Variants in KNL1 observed in about 807,000 individuals in gnomAD.
KNL1 encodes the protein kinetochore scaffold 1.
A neutral mutation model predicts 201.3 loss-of-function variants in KNL1; 66 were observed. The observed-to-expected ratio is 0.33, with a 90% CI of 0.27 to 0.40. KNL1 has a LOEUF of 0.40. KNL1 is among the 10% of genes least tolerant of loss of function. KNL1 has a pLI of 1.00. For missense variants in KNL1, 2,815 were observed against 2,690.5 expected (o/e 1.05, Z -1.02); for synonymous variants, 895 against 899.2 (o/e 1.00, Z 0.08).
chr15:40,624,439 T>C lies in KNL1; in HGVS notation c.4175T>C (p.Ile1392Thr), dbSNP rs780508813. 38 of 1,613,994 alleles carry C rather than the reference T, an allele frequency of 2.4e-5. 1 individual carries two copies. In the South Asian group the frequency reaches 4.1e-4, roughly 17 times the overall value. The change falls in exon 10 of 26, where the codon ATT becomes ACT. Residue 1392 changes from isoleucine to threonine, a missense_variant. This residue lies in a region of KNL1 where 2,464 missense variants were observed against 2,291.7 expected (regional missense o/e 1.08). Transcript: ENST00000399668. Reference sequence around the variant, plus strand: ...ACACTGCACAAAGATCAAGATCTGATTAAGGATCCACGAAATCTATTGGCT... The same window carrying C: ...ACACTGCACAAAGATCAAGATCTGACTAAGGATCCACGAAATCTATTGGCT... Reference protein sequence around the residue: ...VITLHKDQDLIKDPRNLLANQ... With the variant: ...VITLHKDQDLTKDPRNLLANQ...
intron 13 of KNL1, among the ~76,000 whole-genome samples, chr15:40,640,424 A>T (rs1289429856): frequency 6.6e-6 from 1 of 152,044 alleles, no homozygotes; most frequent in African/African-American, 2.4e-5. Context: ...TGCATCAAGG[A>T]CATCAAAGCC....
intron 8 of KNL1, among the ~76,000 whole-genome samples, chr15:40,618,552 C>T (rs1340040071): frequency 6.6e-6 from 1 of 152,082 alleles, no homozygotes; most frequent in East Asian, 1.9e-4. Flanking sequence ...GTAGTCCAAA[C>T]TTTCCATCTT....
At chr15:40,602,445 C>A (rs1438069611) in intron 1 of KNL1, among the ~76,000 whole-genome samples, 1 of 141,442 alleles carries the variant, frequency 7.1e-6, no homozygotes, top group African/African-American at 2.6e-5. Flanking sequence ...CAAAATGCAT[C>A]GTTTTATATC....
intron 25 of KNL1, 136 bp downstream of exon 25, chr15:40,659,597 A>C: frequency 1.6e-6 from 1 of 611,464 alleles, no homozygotes; most frequent in South Asian, 2.7e-5. Flanking sequence ...GGTTCACGCC[A>C]TTCTCCTGCC....
intron 17 of KNL1, 62 bp downstream of exon 17, chr15:40,647,136 G>C: frequency 1.2e-6 from 1 of 811,806 alleles, no homozygotes; most frequent in Non-Finnish European, 2.1e-6. Context: ...CTCTCCTACA[G>C]TAGAGAATGT....
intron 17 of KNL1, among the ~76,000 whole-genome samples, chr15:40,647,488 T>TAAAA: frequency 6.6e-6 from 1 of 151,822 alleles, no homozygotes; most frequent in South Asian, 2.1e-4. Context: ...AAAATAATAA[T>TAAAA]AAAATAAATA....
intron 1 of KNL1, among the ~76,000 whole-genome samples, chr15:40,601,832 A>G (rs1891802489): frequency 6.7e-6 from 1 of 148,568 alleles, no homozygotes; most frequent in African/African-American, 2.5e-5. Context: ...CGTCTCAAAA[A>G]AAAAAAAAAA....
At chr15:40,640,041 A>G (rs1217637790) in intron 13 of KNL1, among the ~76,000 whole-genome samples, 1 of 151,220 alleles carries the variant, frequency 6.6e-6, no homozygotes, top group Non-Finnish European at 1.5e-5. Context: ...GATTTTTGTA[A>G]ATAAGGAGCT....
In KNL1 at chr15:40,623,668, C is replaced by T. The variant is rs772143824; in HGVS notation, c.3404C>T (p.Ala1135Val). Reference protein sequence around the residue: ...DMEITRSHTTALECKTLLPNE... With the variant: ...DMEITRSHTTVLECKTLLPNE... ...GAGATCACTAGGAGTCACACAACTG[C>T]CTTAGAATGTAAAACTCTCCTGCCA... Residue 1135 changes from alanine to valine, a missense_variant, in exon 10 of 26, where the codon GCC (alanine) becomes GTC (valine). Physicochemically the swap from Ala to Val is moderately conservative, Grantham distance 64. Transcript: ENST00000399668. The T allele has an allele frequency of 6.6e-5, 107 of 1,613,668 alleles. No homozygotes were observed. The highest frequency in any genetic ancestry group is 1.6e-4 in the East Asian group (7 of 44,878).
chr15:40,643,740 G>C (rs1301127848), intron 14 of KNL1, among the ~76,000 whole-genome samples: 1 of 152,216 alleles, frequency 6.6e-6, no homozygotes, highest in Non-Finnish European at 1.5e-5. Flanking sequence ...TTTCACATTG[G>C]AACAAGTTGG....
rs768851272 is a variant in KNL1 at position 40,620,713 on chromosome 15, A to C, written c.449A>C (p.Gln150Pro). ...ACAGTCATTTTTTCAGATGAAAACCAGATGGACCTGACATCAAGTCACACT... is the reference window on the plus strand; with the variant it reads ...ACAGTCATTTTTTCAGATGAAAACCCGATGGACCTGACATCAAGTCACACT... ...DQTVIFSDEN[Q>P]MDLTSSHTVM... The change falls in exon 10 of 26, where the codon CAG (glutamine) becomes CCG (proline). Residue 150 changes from glutamine to proline, a missense_variant. This residue lies in a region of KNL1 where 2,464 missense variants were observed against 2,291.7 expected (regional missense o/e 1.08). Transcript: ENST00000399668. 50 of 1,608,216 alleles carry C rather than the reference A, an allele frequency of 3.1e-5. No individual in the cohort carries two copies. Among genetic ancestry groups the C allele is most frequent in the Non-Finnish European group, 3.9e-5 (46 of 1,178,476 alleles).
chr15:40,639,945 C>A, intron 13 of KNL1, among the ~76,000 whole-genome samples: 1 of 152,078 alleles, frequency 6.6e-6, no homozygotes, highest in East Asian at 1.9e-4. Flanking sequence ...CGTGGTGACA[C>A]ATCTGTAGTA....
At chr15:40,619,599 T>TC (rs1892451036) in intron 9 of KNL1, among the ~76,000 whole-genome samples, 1 of 152,010 alleles carries the variant, frequency 6.6e-6, no homozygotes, top group Non-Finnish European at 1.5e-5. Context: ...AGACAAGGTC[T>TC]CACTCTGTTG....
At position 40,625,497 on chromosome 15, in the gene KNL1, G is replaced by A. The variant is rs1340069853; in HGVS notation, c.5233G>A (p.Glu1745Lys). Residue 1745 changes from glutamate to lysine, a missense_variant, in exon 10 of 26, where the codon GAG becomes AAG. Glu to Lys is a moderately conservative substitution (Grantham distance 56, BLOSUM62 1). Transcript: ENST00000399668. Reference sequence around the variant, plus strand: ...GGCCTTGATTGAGACATACCAAAAAGAGATTTCACCATATGAAAATAAAAT... The same window carrying A: ...GGCCTTGATTGAGACATACCAAAAAAAGATTTCACCATATGAAAATAAAAT... ...EKALIETYQK[E>K]ISPYENKMGK... 1.2e-6 allele frequency: 2 copies of A among 1,613,072 alleles called. No individual in the cohort carries two copies. Among genetic ancestry groups the A allele is most frequent in the Admixed American group, 1.7e-5 (1 of 59,752 alleles).
At chr15:40,646,878 A>G in intron 16 of KNL1, 109 bp from the exon 17 acceptor site, 2 of 447,444 alleles carry the variant, frequency 4.5e-6, no homozygotes, top group Non-Finnish European at 8.3e-6. Flanking sequence ...AAAAAAAAAA[A>G]GATTTGCCTG....
intron 14 of KNL1, among the ~76,000 whole-genome samples, chr15:40,641,692 C>T (rs1403245127): frequency 1.3e-5 from 2 of 152,178 alleles, no homozygotes; most frequent in African/African-American, 4.8e-5. Context: ...GGGTTTCACC[C>T]GCAAGGTATC....
chr15:40,622,328 A>G lies in KNL1; in HGVS notation c.2064A>G (p.Thr688=). 1.9e-6 allele frequency: 3 copies of G among 1,613,926 alleles called. No individual in the cohort carries two copies. Among genetic ancestry groups the G allele is most frequent in the South Asian group, 1.1e-5 (1 of 91,076 alleles). The change falls in exon 10 of 26, where the codon ACA becomes ACG. Residue 688 remains threonine, a synonymous_variant. Coordinates refer to ENST00000399668, the MANE Select transcript of KNL1 (RefSeq NM_144508.5). Reference sequence around the variant, plus strand: ...ATAAACAAATAACTAATAGAAATACAGTATCATGGGAACAATCTTTGTTTT... The same window carrying G: ...ATAAACAAATAACTAATAGAAATACGGTATCATGGGAACAATCTTTGTTTT... ...VLDKQITNRN[T]VSWEQSLFST...
chr15:40,597,740 T>G (rs1483617209), intron 1 of KNL1, among the ~76,000 whole-genome samples: 1 of 152,244 alleles, frequency 6.6e-6, no homozygotes, highest in African/African-American at 2.4e-5. Flanking sequence ...TTGAATTTTA[T>G]CAGTTAATTG....
chr15:40,625,652 C>A lies in KNL1; in HGVS notation c.5376+12C>A. The A allele has an allele frequency of 1.3e-6, 2 of 1,595,790 alleles. No individual in the cohort carries two copies. The highest frequency in any genetic ancestry group is 2.3e-5 in the South Asian group (2 of 88,450). ...CACAAGATCGGGAGGTGAGCTCTGT[C>A]TTGAACCAAAGAATGTTCTTGAATT... On this transcript the variant is annotated intron_variant, in intron 10 of 25. Coordinates refer to ENST00000399668, the MANE Select transcript of KNL1 (RefSeq NM_144508.5).
Sources: allele counts gnomAD v4.1 joint callset (sites outside exome capture counted in the v4.1 genomes callset), GRCh38; gene constraint gnomAD v4.1.1; regional missense constraint gnomAD v4.1.1; transcripts MANE v1.5; gene names NCBI Gene and HGNC (gene_info 2026-07-23, HGNC 2026-07-21).